The following VPS50 variants were observed in gnomAD, a reference collection of about 807,000 sequenced individuals.
VPS50 encodes syndetin.
Under a neutral mutation model 139.7 loss-of-function variants are expected in VPS50, and 70 were observed. The ratio of observed to expected loss-of-function variants is 0.50; its 90% CI spans 0.41 to 0.61. The LOEUF (loss-of-function observed/expected upper bound fraction) is 0.61. Ranked by LOEUF, VPS50 falls within the 20% of genes least tolerant of loss-of-function variation. The pLI is 0.00. For synonymous variants in VPS50, 365 were observed against 376.7 expected (o/e 0.97, Z 0.36); for missense variants, 921 against 1,133.7 (o/e 0.81, Z 2.69).
chr7:93,345,848 A>G (rs1043135024), intron 23 of VPS50, among the ~76,000 whole-genome samples: 25 of 152,216 alleles, frequency 1.6e-4, no homozygotes, highest in Non-Finnish European at 3.5e-4. Context: ...AGAGCTATCT[A>G]TGACAAACCC....
At chr7:93,300,298 C>T (rs777682178) in intron 16 of VPS50, among the ~76,000 whole-genome samples, 12 of 152,092 alleles carry the variant, frequency 7.9e-5, no homozygotes, top group Non-Finnish European at 1.6e-4. Context: ...AATACCAATA[C>T]AACTCTTTCA....
At chr7:93,316,881 T>C (rs1003717338) in intron 20 of VPS50, among the ~76,000 whole-genome samples, 1 of 152,232 alleles carries the variant, frequency 6.6e-6, no homozygotes, top group Non-Finnish European at 1.5e-5. Context: ...TGGATGAGTT[T>C]ATCTTGGCAG....
intron 16 of VPS50, among the ~76,000 whole-genome samples, chr7:93,298,695 C>G (rs548026186): frequency 1.1e-4 from 17 of 152,274 alleles, no homozygotes; most frequent in African/African-American, 4.1e-4. Flanking sequence ...GATGGAAATT[C>G]CTCACAGAGT....
At chr7:93,278,967 T>A (rs17165237) in intron 12 of VPS50, among the ~76,000 whole-genome samples, 2 of 152,146 alleles carry the variant, frequency 1.3e-5, no homozygotes, top group African/African-American at 4.8e-5. Flanking sequence ...AAAACATTAG[T>A]TGAAGTAGCT....
chr7:93,236,237 G>A (rs1794796344), intron 1 of VPS50, among the ~76,000 whole-genome samples: 2 of 152,178 alleles, frequency 1.3e-5, no homozygotes, highest in Admixed American at 1.3e-4. Flanking sequence ...ATTGAGCAGC[G>A]TGGAGGTCCT....
intron 1 of VPS50, among the ~76,000 whole-genome samples, chr7:93,237,017 C>A (rs1794827866): frequency 7.8e-6 from 1 of 128,732 alleles, no homozygotes; most frequent in Non-Finnish European, 1.6e-5. Context: ...GTGGAGCGAT[C>A]TCGGCTCACT....
At position 93,294,571 on chromosome 7, in the gene VPS50, G is replaced by T; in HGVS notation, c.1102G>T (p.Glu368Ter). ...SEGSNMIGTE[E>*]TNFDRGYIKK... The stretch of plus-strand genomic sequence containing the variant: ...AGGGAGTAATATGATAGGTACTGAA[G>T]AAACTAATTTTGATCGTGGCTACAT... Residue 368 changes from glutamate to a stop codon, truncating the protein, a stop_gained, in exon 14 of 28, where the codon GAA becomes TAA. Coordinates refer to ENST00000305866, the MANE Select transcript of VPS50 (RefSeq NM_017667.4). LOFTEE classifies it high-confidence loss of function. 5 of 1,595,844 alleles carry T rather than the reference G, an allele frequency of 3.1e-6. No homozygotes were observed. The highest frequency in any genetic ancestry group is 4.3e-6 in the Non-Finnish European group (5 of 1,172,204).
At chr7:93,326,977 A>G (rs1797800121) in intron 21 of VPS50, among the ~76,000 whole-genome samples, 1 of 152,186 alleles carries the variant, frequency 6.6e-6, no homozygotes, top group Admixed American at 6.5e-5. Flanking sequence ...TTGCTACAGA[A>G]TTTATATACT....
In VPS50 at chr7:93,291,691, C is replaced by T; in HGVS notation, c.943-12C>T. On this transcript the variant is annotated splice_polypyrimidine_tract_variant and intron_variant, in intron 12 of 27. Transcript: ENST00000305866. ...TAATAATTTGAAAGTTGTCTCTTAT[C>T]ATTTTCTTTAGCATGTTACACCAGA... 6.9e-7 allele frequency: 1 copy of T among 1,448,370 alleles called. No homozygotes were observed. The highest frequency in any genetic ancestry group is 9.3e-7 in the Non-Finnish European group (1 of 1,079,926). 89.7% of individuals were successfully genotyped at this position (1,448,370 alleles called of 1,614,324 possible). A position where few individuals can be genotyped will look rare whatever the true frequency, so the allele number is the denominator to read the frequency against.
intron 16 of VPS50, among the ~76,000 whole-genome samples, chr7:93,302,626 C>G (rs1038404740): frequency 1.3e-5 from 2 of 151,752 alleles, no homozygotes; most frequent in Admixed American, 1.3e-4. Flanking sequence ...TCTGTTAACT[C>G]TAGTATTTGG....
chr7:93,305,881 G>A lies in VPS50; in HGVS notation c.1506G>A (p.Gln502=). 3 of 1,612,508 alleles carry A rather than the reference G, an allele frequency of 1.9e-6. No individual in the cohort carries two copies. Among genetic ancestry groups the A allele is most frequent in the Non-Finnish European group, 2.5e-6 (3 of 1,178,738 alleles). ...CCCCATCAGTTTCACCTAGTAAACA[G>A]CCAGTCTCAACTTCTTCAAAAACAG... ...SRSPSVSPSK[Q]PVSTSSKTVT... The change falls in exon 18 of 28, where the codon CAG becomes CAA. Residue 502 remains glutamine (Q), a synonymous_variant. Coordinates refer to ENST00000305866, the MANE Select transcript of VPS50 (RefSeq NM_017667.4).
intron 26 of VPS50, 92 bp from the exon 27 acceptor site, chr7:93,355,799 C>T: frequency 1.5e-6 from 1 of 654,822 alleles, no homozygotes; most frequent in Non-Finnish European, 2.5e-6. Flanking sequence ...GGAATCTGTC[C>T]AAATATAGGT....
chr7:93,279,940 C>T (rs1055596866), intron 12 of VPS50, among the ~76,000 whole-genome samples: 3 of 151,788 alleles, frequency 2.0e-5, no homozygotes, highest in Non-Finnish European at 4.4e-5. Context: ...TCATTTTAAA[C>T]TATTCTTAGA....
chr7:93,343,122 A>G (rs1270879990), intron 23 of VPS50, among the ~76,000 whole-genome samples: 2 of 152,214 alleles, frequency 1.3e-5, no homozygotes, highest in African/African-American at 4.8e-5. Context: ...AATAACCAAT[A>G]CAGAGAAGTG....
In VPS50 at chr7:93,311,230, C is replaced by A; in HGVS notation, c.1813C>A (p.Pro605Thr). 1.4e-6 allele frequency: 2 copies of A among 1,412,184 alleles called. No homozygotes were observed. The highest frequency in any genetic ancestry group is 2.0e-6 in the Non-Finnish European group (2 of 996,212). 87.5% of individuals were successfully genotyped at this position (1,412,184 alleles called of 1,614,324 possible). A position where few individuals can be genotyped will look rare whatever the true frequency, so the allele number is the denominator to read the frequency against. ...TTACAGTCTAAATAAAGTGAATGCA[C>A]CTATCTTAACAAATACAACATTGAA... ...SDYSLNKVNA[P>T]ILTNTTLNVI... The change falls in exon 20 of 28, where the codon CCT (proline) becomes ACT (threonine). Residue 605 changes from proline to threonine, a missense_variant. Around this residue, in one of 3 missense-constraint regions of VPS50, gnomAD observed 744 missense variants for 930.6 expected, o/e 0.80. Transcript: ENST00000305866.
rs1209205817 is a variant in VPS50, at chr7:93,296,128, C to A, written c.1168-614C>A. On this transcript the variant is annotated intron_variant, in intron 14 of 27. Coordinates refer to ENST00000305866, the MANE Select transcript of VPS50 (RefSeq NM_017667.4). ...ATCAGTTAATATTTATAATTTAGTGCTCTTCTAATTTTTGATAATTTTGTA... is the reference window on the plus strand; with the variant it reads ...ATCAGTTAATATTTATAATTTAGTGATCTTCTAATTTTTGATAATTTTGTA... 3.9e-5 allele frequency among the ~76,000 whole-genome samples: 6 copies of A among 152,142 alleles called. No homozygotes were observed. The East Asian group carries it at 1.2e-3, about 29-fold the overall frequency.
intron 17 of VPS50, among the ~76,000 whole-genome samples, chr7:93,303,769 A>G (rs1797043711): frequency 6.6e-6 from 1 of 151,864 alleles, no homozygotes; most frequent in Non-Finnish European, 1.5e-5. Context: ...TTCAGTTTAC[A>G]TACTTTAGGA....
intron 19 of VPS50, 109 bp downstream of exon 19, chr7:93,309,051 T>C: frequency 4.1e-6 from 2 of 485,940 alleles, no homozygotes; most frequent in Middle Eastern, 6.3e-4. Context: ...TTGGTACTTA[T>C]AATGTCACCT....
chr7:93,309,508 T>C (rs922627715), intron 19 of VPS50, among the ~76,000 whole-genome samples: 1 of 151,934 alleles, frequency 6.6e-6, no homozygotes, highest in Non-Finnish European at 1.5e-5. Flanking sequence ...CTGCCTTTGG[T>C]GGCCATTTAT....
Sources: gnomAD v4.1 joint callset for allele counts (sites outside exome capture counted in the v4.1 genomes callset) on GRCh38, gnomAD v4.1.1 for gene constraint, gnomAD v4.1.1 regional missense constraint, MANE v1.5 for transcripts, NCBI Gene and HGNC (gene_info 2026-07-23, HGNC 2026-07-21) for gene names.